RETREG1: variants seen among roughly 807,000 people sequenced by gnomAD.
RETREG1 encodes family with sequence similarity 134 member B.
In RETREG1, 44 loss-of-function variants were observed where a neutral mutation model predicts 54.8. That is an observed-to-expected ratio of 0.80 (90% CI 0.63 to 1.03). RETREG1 has a LOEUF of 1.03. Ranked by LOEUF, RETREG1 falls within the 50% of genes least tolerant of loss-of-function variation. The probability of loss-of-function intolerance (pLI) is 0.00; values close to 1 mark genes in which losing one functional copy is unlikely to be tolerated. For missense variants in RETREG1, 554 were observed against 605.1 expected (o/e 0.92, Z 0.89); for synonymous variants, 217 against 238.5 (o/e 0.91, Z 0.83).
intron 3 of RETREG1, among the ~76,000 whole-genome samples, chr5:16,505,883 C>T (rs2126559539): frequency 6.6e-6 from 1 of 152,350 alleles, no homozygotes; most frequent in South Asian, 2.1e-4. Context: ...TGGGCTTCTG[C>T]CTTCCTCGCC....
At chr5:16,610,661 C>T (rs1004122228) in intron 1 of RETREG1, among the ~76,000 whole-genome samples, 7 of 152,186 alleles carry the variant, frequency 4.6e-5, no homozygotes, top group African/African-American at 1.7e-4. Context: ...GGAAAAAATG[C>T]TCATCACTGG....
intron 3 of RETREG1, among the ~76,000 whole-genome samples, chr5:16,537,222 A>C (rs943862071): frequency 2.0e-4 from 30 of 152,212 alleles, no homozygotes; most frequent in Admixed American, 1.1e-3. Flanking sequence ...TGAATTTTTC[A>C]TGTATTAAAA....
chr5:16,531,695 G>A (rs1740921562), intron 3 of RETREG1, among the ~76,000 whole-genome samples: 1 of 152,154 alleles, frequency 6.6e-6, no homozygotes, highest in South Asian at 2.1e-4. Flanking sequence ...CCAGGCAGAA[G>A]CAAGACACGC....
At chr5:16,579,939 A>G (rs759686302) in intron 1 of RETREG1, among the ~76,000 whole-genome samples, 41 of 152,246 alleles carry the variant, frequency 2.7e-4, no homozygotes, top group Non-Finnish European at 5.7e-4. Context: ...TTGTATGGAC[A>G]TAAGTTTTCA....
intron 3 of RETREG1, among the ~76,000 whole-genome samples, chr5:16,534,172 G>A (rs545155754): frequency 3.3e-5 from 5 of 152,022 alleles, no homozygotes; most frequent in Non-Finnish European, 7.4e-5. Context: ...AAACTTGGCC[G>A]GGCATGGTGG....
chr5:16,546,796 CT>C (rs1294785148), intron 3 of RETREG1, among the ~76,000 whole-genome samples: 1 of 152,180 alleles, frequency 6.6e-6, no homozygotes, highest in African/African-American at 2.4e-5. Flanking sequence ...TCACCATGGA[CT>C]TGTTCCCTTC....
intron 3 of RETREG1, among the ~76,000 whole-genome samples, chr5:16,519,118 C>T (rs374598178): frequency 3.3e-5 from 5 of 152,200 alleles, no homozygotes; most frequent in African/African-American, 1.2e-4. Flanking sequence ...ATGATGCCAT[C>T]GATAATGACA....
Position 16,616,935 on chromosome 5 carries a change from C to G in RETREG1, c.37G>C (p.Gly13Arg). ...SPAPPEHAEE[G>R]CPAPAAEEQA... ...TCCTCGGCGGCAGGAGCCGGGCATCCCTCCTCGGCGTGCTCCGGAGGCGCC... is the reference window on the plus strand; with the variant it reads ...TCCTCGGCGGCAGGAGCCGGGCATCGCTCCTCGGCGTGCTCCGGAGGCGCC... The change falls in exon 1 of 9, where the codon GGA (glycine) becomes CGA (arginine). Residue 13 changes from glycine to arginine, a missense_variant. By Grantham distance (125) the Gly-to-Arg change is moderately radical. Coordinates refer to ENST00000306320, the MANE Select transcript of RETREG1 (RefSeq NM_001034850.3). 6.8e-7 allele frequency: 1 copy of G among 1,474,048 alleles called. No individual in the cohort carries two copies. The highest frequency in any genetic ancestry group is 8.9e-7 in the Non-Finnish European group (1 of 1,119,286). 91.3% of individuals were successfully genotyped at this position (1,474,048 alleles called of 1,614,324 possible). A position where few individuals can be genotyped will look rare whatever the true frequency, so the allele number is the denominator to read the frequency against.
intron 1 of RETREG1, among the ~76,000 whole-genome samples, chr5:16,583,100 G>A (rs879831063): frequency 2.0e-5 from 3 of 152,128 alleles, no homozygotes; most frequent in East Asian, 3.9e-4. Context: ...ACAGGTGCTG[G>A]GCTATGTGGA....
chr5:16,606,766 A>G (rs999091038), intron 1 of RETREG1, among the ~76,000 whole-genome samples: 2 of 151,888 alleles, frequency 1.3e-5, no homozygotes, highest in Non-Finnish European at 2.9e-5. Flanking sequence ...CTGCACCACC[A>G]TGTGCTCCTG....
intron 3 of RETREG1, among the ~76,000 whole-genome samples, chr5:16,494,991 G>C (rs2126539616): frequency 6.6e-6 from 1 of 152,256 alleles, no homozygotes; most frequent in Non-Finnish European, 1.5e-5. Flanking sequence ...AAGGAAATGA[G>C]TATCTTATTG....
chr5:16,478,781 G>A (rs897964696), intron 6 of RETREG1, 69 bp downstream of exon 6: 1 of 1,448,520 alleles, frequency 6.9e-7, no homozygotes, highest in Non-Finnish European at 9.6e-7. Context: ...ATGTATTAAA[G>A]AATTTCCTAA....
chr5:16,595,390 CAA>C (rs1274028839), intron 1 of RETREG1, among the ~76,000 whole-genome samples: 1 of 151,848 alleles, frequency 6.6e-6, no homozygotes, highest in Non-Finnish European at 1.5e-5. Flanking sequence ...ATTTATTAAC[CAA>C]AAAAGTCACT....
rs906851751 is a variant in RETREG1, at chr5:16,565,853, T to G, written c.428-60A>C. 2.6e-6 allele frequency: 4 copies of G among 1,560,528 alleles called. No individual in the cohort carries two copies. The African/African-American group carries it at 5.4e-5, about 21-fold the overall frequency. On this transcript the variant is annotated intron_variant, in intron 2 of 8. Transcript: ENST00000306320. ...AGAGGTATTTTTCTCCTGAAATATT[T>G]CTCAACTCTGAACTAGTCCAAGCTA...
At position 16,474,969 on chromosome 5, in the gene RETREG1, A is replaced by T. The variant is rs1471475174; in HGVS notation, c.1266T>A (p.Thr422=). The T allele has an allele frequency of 1.9e-6, 3 of 1,613,804 alleles. No individual in the cohort carries two copies. The African/African-American group carries it at 4.0e-5, about 22-fold the overall frequency. ...LAGDVITAAV[T]AAIKDQLEGV... is the part of the protein sequence containing the mutation. ...CCTCTAACTGGTCTTTGATAGCTGC[A>T]GTCACTGCAGCTGTGATAACATCCC... Residue 422 remains threonine (T), a synonymous_variant, in exon 9 of 9, where the codon ACT becomes ACA. Coordinates refer to ENST00000306320, the MANE Select transcript of RETREG1 (RefSeq NM_001034850.3).
intron 3 of RETREG1, among the ~76,000 whole-genome samples, chr5:16,505,791 C>A (rs1356145679): frequency 6.6e-6 from 1 of 152,208 alleles, no homozygotes; most frequent in African/African-American, 2.4e-5. Flanking sequence ...CACGTTTCCT[C>A]CTATTTCTTG....
chr5:16,535,415 CT>C (rs1741033434), intron 3 of RETREG1, among the ~76,000 whole-genome samples: 1 of 149,904 alleles, frequency 6.7e-6, no homozygotes, highest in Non-Finnish European at 1.5e-5. Flanking sequence ...TGCATGCATG[CT>C]CCCTTCACAA....
At chr5:16,600,175 G>A (rs970012902) in intron 1 of RETREG1, among the ~76,000 whole-genome samples, 3 of 152,284 alleles carry the variant, frequency 2.0e-5, no homozygotes, top group East Asian at 1.9e-4. Context: ...TAATTTTTGT[G>A]TTTTTAGTAG....
intron 1 of RETREG1, among the ~76,000 whole-genome samples, chr5:16,580,405 G>A (rs1742449479): frequency 6.6e-6 from 1 of 152,212 alleles, no homozygotes; most frequent in African/African-American, 2.4e-5. Flanking sequence ...GCATTCTGAA[G>A]GGCTAAGTGT....
Sources: allele counts gnomAD v4.1 joint callset (sites outside exome capture counted in the v4.1 genomes callset), GRCh38; gene constraint gnomAD v4.1.1; transcripts MANE v1.5; gene names NCBI Gene and HGNC (gene_info 2026-07-23, HGNC 2026-07-21).